Variants in PCDHGA3 observed in about 807,000 individuals in gnomAD.
PCDHGA3 encodes protocadherin gamma-A3.
A neutral mutation model predicts 58.5 loss-of-function variants in PCDHGA3; 40 were observed. That is an observed-to-expected ratio of 0.68 (90% confidence interval 0.53 to 0.89). The LOEUF (loss-of-function observed/expected upper bound fraction) is 0.89, where lower values mean the gene tolerates loss of function less well. PCDHGA3 is among the 40% of genes least tolerant of loss of function. PCDHGA3 has a pLI of 0.00. For missense variants in PCDHGA3, 1,223 were observed against 1,195.9 expected (o/e 1.02, Z -0.33); for synonymous variants, 530 against 525.7 (o/e 1.01, Z -0.11).
At chr5:141,392,877 A>G in intron 1 of PCDHGA3, 2 of 1,613,506 alleles carry the variant, frequency 1.2e-6, no homozygotes, top group Non-Finnish European at 1.7e-6. Context: ...GCTGCTGGGA[A>G]CGCTGTGGGA....
rs976135607 is a variant in PCDHGA3 at position 141,489,115 on chromosome 5, C to A, written c.2425-5692C>A. ...CTAAGAACTGCTGCAAGCAGGCAAA[C>A]CTCCGAGCAGTTTTTAAGAGGCTGG... On this transcript the variant is annotated intron_variant, in intron 1 of 3. Coordinates refer to ENST00000253812, the MANE Select transcript of PCDHGA3 (RefSeq NM_018916.4). This position sits in a 1 kb window ranked among gnomAD's most constrained non-coding sequence, Gnocchi z 4.5. 7.3e-5 allele frequency: 37 copies of A among 506,794 alleles called. No homozygotes were observed. Among genetic ancestry groups the A allele is most frequent in the Non-Finnish European group, 1.2e-4 (35 of 298,604 alleles). 31.4% of individuals were successfully genotyped at this position (506,794 alleles called of 1,614,324 possible).
In PCDHGA3 at chr5:141,344,660, G is replaced by T; in HGVS notation, c.627G>T (p.Gln209His). 6.2e-7 allele frequency: 1 copy of T among 1,614,000 alleles called. No individual in the cohort carries two copies. Among genetic ancestry groups the T allele is most frequent in the Non-Finnish European group, 8.5e-7 (1 of 1,179,912 alleles). The change falls in exon 1 of 4, where the codon CAG becomes CAT. Residue 209 changes from glutamine (Q) to histidine (H), a missense_variant. Around this residue, in one of 3 missense-constraint regions of PCDHGA3, gnomAD observed 791 missense variants for 708.5 expected, o/e 1.12. Transcript: ENST00000253812. ...ACCGTGAGAAAAAAGAAATTCACCA[G>T]CTTGTCCTGGTTGCCTCTGATGGTG... is the stretch of plus-strand genomic sequence containing the variant. ...ALDREKKEIH[Q>H]LVLVASDGGD...
chr5:141,499,565 C>T (rs1291006795), intron 2 of PCDHGA3, among the ~76,000 whole-genome samples: 1 of 152,168 alleles, frequency 6.6e-6, no homozygotes, highest in East Asian at 1.9e-4. Flanking sequence ...CACTATCCAG[C>T]TTCAACTAAT....
At chr5:141,364,449 A>G in intron 1 of PCDHGA3, 1 of 1,613,984 alleles carries the variant, frequency 6.2e-7, no homozygotes, top group Admixed American at 1.7e-5. Context: ...GAGGAGCTGG[A>G]CAAAGGCTCC....
Position 141,493,858 on chromosome 5 carries a change from C to A in PCDHGA3, c.2425-949C>A, listed in dbSNP as rs2099750481. Among the ~76,000 whole-genome samples, 1 of 152,184 alleles carries A rather than the reference C, an allele frequency of 6.6e-6. No homozygotes were observed. The highest frequency in any genetic ancestry group is 1.5e-5 in the Non-Finnish European group (1 of 68,030). On this transcript the variant is annotated intron_variant, in intron 1 of 3. Transcript: ENST00000253812. The surrounding 1 kb of genome is among the most constrained non-coding windows in gnomAD (Gnocchi z 4.3). ...AGTATGAGTATTAATTACCAGCCCA[C>A]CCCAGAACCAGTGAGGAGGTGGCTC...
At chr5:141,415,683 G>C in intron 1 of PCDHGA3, 1 of 1,517,194 alleles carries the variant, frequency 6.6e-7, no homozygotes, top group African/African-American at 1.4e-5. Flanking sequence ...TTTGCGGCAT[G>C]ATGGTGGAAA....
At position 141,409,359 on chromosome 5, in the gene PCDHGA3, T is replaced by C. The variant is rs371907890; in HGVS notation, c.2424+62902T>C. ...GGAAATGGAGAAGTCAGGTGTAATA[T>C]AGAAACAGACATTCCATTCAAGATT... On this transcript the variant is annotated intron_variant, in intron 1 of 3. Coordinates refer to ENST00000253812, the MANE Select transcript of PCDHGA3 (RefSeq NM_018916.4). 6.8e-6 allele frequency: 11 copies of C among 1,614,026 alleles called. No individual in the cohort carries two copies. The highest frequency in any genetic ancestry group is 8.5e-6 in the Non-Finnish European group (10 of 1,179,908).
chr5:141,351,258 T>C, intron 1 of PCDHGA3: 1 of 1,613,936 alleles, frequency 6.2e-7, no homozygotes, highest in Non-Finnish European at 8.5e-7. Flanking sequence ...CAAATAGAAA[T>C]TGTTGACGAG....
At chr5:141,371,794 C>T (rs776687123) in intron 1 of PCDHGA3, 2 of 1,613,950 alleles carry the variant, frequency 1.2e-6, no homozygotes, top group South Asian at 2.2e-5. Context: ...AACAATCCGC[C>T]TGGAGCCTCC....
chr5:141,476,798 C>T lies in PCDHGA3; in HGVS notation c.2425-18009C>T. 3.1e-6 allele frequency: 5 copies of T among 1,613,660 alleles called. No homozygotes were observed. The highest frequency in any genetic ancestry group is 4.2e-6 in the Non-Finnish European group (5 of 1,180,028). ...AGGGACCCCAGCTCTCTCCGCCAGC[C>T]TGCCTATTCACATCAAGGTGCTGGA... On this transcript the variant is annotated intron_variant, in intron 1 of 3. Coordinates refer to ENST00000253812, the MANE Select transcript of PCDHGA3 (RefSeq NM_018916.4). This position sits in a 1 kb window ranked among gnomAD's most constrained non-coding sequence, Gnocchi z 7.6.
At chr5:141,357,032 C>G in intron 1 of PCDHGA3, 7 of 1,614,066 alleles carry the variant, frequency 4.3e-6, no homozygotes, top group Non-Finnish European at 5.9e-6. Context: ...CTACTCAAGT[C>G]CAGCGAGCCG....
intron 1 of PCDHGA3, among the ~76,000 whole-genome samples, chr5:141,453,049 G>C (rs1287375098): frequency 1.3e-5 from 2 of 152,222 alleles, no homozygotes; most frequent in East Asian, 3.9e-4. Context: ...TCTATTATGT[G>C]CAGTTTTAGA....
chr5:141,375,516 A>G (rs757383072), intron 1 of PCDHGA3: 1 of 1,613,900 alleles, frequency 6.2e-7, no homozygotes, highest in East Asian at 2.2e-5. Flanking sequence ...AATGCACTGG[A>G]CCCTGACGTG....
chr5:141,371,268 T>C (rs757493247), intron 1 of PCDHGA3: 1 of 1,614,026 alleles, frequency 6.2e-7, no homozygotes, highest in Non-Finnish European at 8.5e-7. Flanking sequence ...GAGACAACTG[T>C]TCAAGCTGGA....
At chr5:141,446,718 C>G (rs1279970040) in intron 1 of PCDHGA3, among the ~76,000 whole-genome samples, 1 of 152,174 alleles carries the variant, frequency 6.6e-6, no homozygotes, top group Non-Finnish European at 1.5e-5. Flanking sequence ...CTGCCCGCCT[C>G]GGCCTCCCAA....
chr5:141,364,254 G>A, intron 1 of PCDHGA3: 1 of 1,492,278 alleles, frequency 6.7e-7, no homozygotes, highest in Non-Finnish European at 8.9e-7. Flanking sequence ...CAGGGAATAT[G>A]TACCCATCGG....
At chr5:141,375,364 A>T (rs771379372) in intron 1 of PCDHGA3, 1 of 1,613,786 alleles carries the variant, frequency 6.2e-7, no homozygotes, top group African/African-American at 1.3e-5. Context: ...CCACGGACAA[A>T]GGAACACCAC....
At chr5:141,346,636 T>C (rs1757784214) in intron 1 of PCDHGA3, 179 bp downstream of exon 1, 1 of 926,060 alleles carries the variant, frequency 1.1e-6, no homozygotes, top group East Asian at 2.7e-5. Flanking sequence ...GGTCTGGTTA[T>C]GGTTGAGTGG....
chr5:141,368,738 T>C (rs1765827901), intron 1 of PCDHGA3, among the ~76,000 whole-genome samples: 1 of 152,208 alleles, frequency 6.6e-6, no homozygotes, highest in Non-Finnish European at 1.5e-5. Flanking sequence ...GTATATACCA[T>C]ATACTTTTAA....
Sources: gnomAD v4.1 joint callset for allele counts (sites outside exome capture counted in the v4.1 genomes callset) on GRCh38, gnomAD v4.1.1 for gene constraint, gnomAD v4.1.1 regional missense constraint, Gnocchi (gnomAD v3.1) non-coding constraint, MANE v1.5 for transcripts, NCBI Gene and HGNC (gene_info 2026-07-23, HGNC 2026-07-21) for gene names.